Variants in BMERB1 observed in about 807,000 individuals in gnomAD.
The protein encoded by BMERB1 is bMERB domain containing 1.
In BMERB1, 12 loss-of-function variants were observed where a neutral mutation model predicts 23.6. The observed-to-expected ratio is 0.51, with a 90% CI of 0.33 to 0.82. BMERB1 has a LOEUF of 0.82. Ranked by LOEUF, BMERB1 falls within the 40% of genes least tolerant of loss-of-function variation. The pLI is 0.03. For missense variants in BMERB1, 247 were observed against 255.4 expected (o/e 0.97, Z 0.22); for synonymous variants, 122 against 96.6 (o/e 1.26, Z -1.54).
chr16:15,582,577 G>T (rs2031041244), intron 4 of BMERB1, among the ~76,000 whole-genome samples: 1 of 151,920 alleles, frequency 6.6e-6, no homozygotes, highest in Admixed American at 6.6e-5. Context: ...TAATTAACTA[G>T]GAGTGGTGGA....
chr16:15,533,894 T>G (rs1422869580), intron 2 of BMERB1, among the ~76,000 whole-genome samples: 1 of 152,042 alleles, frequency 6.6e-6, no homozygotes, highest in South Asian at 2.1e-4. Context: ...GAGAAATACC[T>G]CCCACCCCGT....
At chr16:15,584,286 G>A (rs948690077) in intron 5 of BMERB1, 9 of 445,658 alleles carry the variant, frequency 2.0e-5, no homozygotes, top group African/African-American at 6.1e-5. Flanking sequence ...CTGGCTGGGC[G>A]CGGTGGCTCA....
intron 1 of BMERB1, among the ~76,000 whole-genome samples, chr16:15,503,266 C>T (rs749409762): frequency 1.3e-5 from 2 of 151,874 alleles, no homozygotes; most frequent in Admixed American, 6.6e-5. Context: ...CTGTTATATC[C>T]GGGTCTTGAA....
chr16:15,542,755 C>T (rs1032580590), intron 2 of BMERB1, among the ~76,000 whole-genome samples: 2 of 151,576 alleles, frequency 1.3e-5, no homozygotes, highest in Admixed American at 1.3e-4. Flanking sequence ...GGGGGAGCTC[C>T]CCTGTCCCCT....
intron 1 of BMERB1, among the ~76,000 whole-genome samples, chr16:15,496,858 G>T (rs1341499640): frequency 1.3e-5 from 2 of 152,148 alleles, no homozygotes; most frequent in Admixed American, 1.3e-4. Context: ...ATTTTTTAAA[G>T]TGGAAACTCA....
chr16:15,464,676 C>G (rs993904562), intron 1 of BMERB1, among the ~76,000 whole-genome samples: 1 of 152,154 alleles, frequency 6.6e-6, no homozygotes, highest in African/African-American at 2.4e-5. Flanking sequence ...GTTGCCATGG[C>G]ACTTGTAAAC....
intron 2 of BMERB1, among the ~76,000 whole-genome samples, chr16:15,567,035 A>AATT (rs2030586239): frequency 6.6e-6 from 1 of 151,756 alleles, no homozygotes; most frequent in African/African-American, 2.4e-5. Flanking sequence ...ACTGTTTAAA[A>AATT]ATTAGCCTGT....
chr16:15,492,001 G>T (rs1049952993), intron 1 of BMERB1, among the ~76,000 whole-genome samples: 1 of 152,164 alleles, frequency 6.6e-6, no homozygotes, highest in African/African-American at 2.4e-5. Context: ...ATTGCCTGGT[G>T]TGTGGCGGGC....
At chr16:15,539,999 A>G (rs572900360) in intron 2 of BMERB1, among the ~76,000 whole-genome samples, 19 of 152,158 alleles carry the variant, frequency 1.2e-4, no homozygotes, top group Admixed American at 7.2e-4. Flanking sequence ...CGTCTTTACA[A>G]AAAATTAGCC....
intron 1 of BMERB1, among the ~76,000 whole-genome samples, chr16:15,483,379 T>G (rs767511676): frequency 6.6e-6 from 1 of 152,182 alleles, no homozygotes; most frequent in Non-Finnish European, 1.5e-5. Flanking sequence ...AACCTATTTT[T>G]ATTTATTTAT....
intron 1 of BMERB1, among the ~76,000 whole-genome samples, chr16:15,500,250 A>G (rs1473569778): frequency 2.0e-5 from 3 of 152,040 alleles, no homozygotes; most frequent in Admixed American, 6.6e-5. Flanking sequence ...AGCCAGTCCT[A>G]TTAGGATTTA....
intron 1 of BMERB1, among the ~76,000 whole-genome samples, chr16:15,439,639 A>C (rs528125118): frequency 2.6e-5 from 4 of 152,230 alleles, no homozygotes; most frequent in Admixed American, 2.6e-4. Context: ...GTTCAAAGTA[A>C]TTGCTCCCAG....
Position 15,465,353 on chromosome 16 carries a change from A to ATTT in BMERB1, c.106+30609_106+30611dup, listed in dbSNP as rs4012914. On this transcript the variant is annotated intron_variant, in intron 1 of 5. Coordinates refer to ENST00000300006, the MANE Select transcript of BMERB1 (RefSeq NM_033201.3). ...AAATTTGGTCAATGCTAAGATATAT[A>ATTT]TTTTTTTTTTTTTTTTTGAGACTGG... Among the ~76,000 whole-genome samples, 378 of 133,462 alleles carry ATTT rather than the reference A, an allele frequency of 2.8e-3. 1 individual carries two copies. The highest frequency in any genetic ancestry group is 4.9e-3 in the Non-Finnish European group (302 of 61,972). 87.6% of individuals were successfully genotyped at this position (133,462 alleles called of 152,430 possible). A position where few individuals can be genotyped will look rare whatever the true frequency, so the allele number is the denominator to read the frequency against.
At chr16:15,511,107 G>A (rs956151763) in intron 1 of BMERB1, among the ~76,000 whole-genome samples, 2 of 152,116 alleles carry the variant, frequency 1.3e-5, no homozygotes, top group Non-Finnish European at 2.9e-5. Context: ...AGGGACAGTA[G>A]TAGGACCCGA....
At chr16:15,527,109 T>C (rs74795448) in intron 2 of BMERB1, among the ~76,000 whole-genome samples, 2,681 of 152,084 alleles carry the variant, frequency 0.018, 82 homozygotes, top group African/African-American at 0.062. Flanking sequence ...TCTGAAACCA[T>C]TTCTAAGAGT....
At chr16:15,460,409 C>T (rs78236606) in intron 1 of BMERB1, among the ~76,000 whole-genome samples, 1 of 152,142 alleles carries the variant, frequency 6.6e-6, no homozygotes, top group Non-Finnish European at 1.5e-5. Flanking sequence ...CAGATGCATA[C>T]TTCAAGGGGA....
chr16:15,548,507 G>A lies in BMERB1; in HGVS notation c.231-19476G>A, dbSNP rs527762891. ...AGAACCAGTTGTTCAACTGTGGGTA[G>A]CTCAAAATCTGCAGCAGTGGGAGTA... On this transcript the variant is annotated intron_variant, in intron 2 of 5. Coordinates refer to ENST00000300006, the MANE Select transcript of BMERB1 (RefSeq NM_033201.3). 1.5e-4 allele frequency among the ~76,000 whole-genome samples: 23 copies of A among 152,290 alleles called. No individual in the cohort carries two copies. In the South Asian group the frequency reaches 4.4e-3, roughly 29 times the overall value.
At chr16:15,483,708 T>C (rs1448342483) in intron 1 of BMERB1, among the ~76,000 whole-genome samples, 1 of 152,196 alleles carries the variant, frequency 6.6e-6, no homozygotes, top group Non-Finnish European at 1.5e-5. Context: ...GTCCCAGCTC[T>C]CTGCTGATCT....
At chr16:15,569,866 A>G (rs114637559) in intron 3 of BMERB1, among the ~76,000 whole-genome samples, 2,316 of 152,290 alleles carry the variant, frequency 0.015, 63 homozygotes, top group African/African-American at 0.053. Context: ...ACCTTAGCAG[A>G]ATTCAGCCTC....
Sources: allele counts gnomAD v4.1 joint callset (sites outside exome capture counted in the v4.1 genomes callset), GRCh38; gene constraint gnomAD v4.1.1; transcripts MANE v1.5; gene names NCBI Gene and HGNC (gene_info 2026-07-23, HGNC 2026-07-21).